PIP4K2A: variants seen among roughly 807,000 people sequenced by gnomAD.
PIP4K2A encodes phosphatidylinositol 5-phosphate 4-kinase type-2 alpha.
PIP4K2A carries 14 observed loss-of-function variants against 42.9 expected under a neutral mutation model. That is an observed-to-expected ratio of 0.33 (90% CI 0.22 to 0.51). PIP4K2A has a LOEUF of 0.51. Ranked by LOEUF, PIP4K2A falls within the 20% of genes least tolerant of loss-of-function variation. PIP4K2A has a pLI of 0.97. For synonymous variants in PIP4K2A, 192 were observed against 192.2 expected, an observed-to-expected ratio of 1.00 and a Z score of 0.01; for missense variants, 434 against 519.8, an observed-to-expected ratio of 0.83 and a Z score of 1.61.
In PIP4K2A at chr10:22,535,345, G is replaced by A. The variant is rs1429335105; in HGVS notation, c.*1856C>T. On this transcript the variant is annotated 3_prime_UTR_variant, in exon 10 of 10. Transcript: ENST00000376573. ...GGATTACTTTAAATACATAAAAGAT[G>A]AATCTGTACACTACGTGACAGTGGT... The A allele has an allele frequency of 6.6e-6, 1 of 152,180 alleles. No homozygotes were observed. The allele number at this position is 152,180 out of a possible 1,614,324, so 9.4% of individuals were successfully genotyped here. A position where few individuals can be genotyped will look rare whatever the true frequency, so the allele number is the denominator to read the frequency against.
intron 4 of PIP4K2A, among the ~76,000 whole-genome samples, chr10:22,573,717 T>C (rs191997378): frequency 3.3e-5 from 5 of 152,364 alleles, no homozygotes; most frequent in African/African-American, 9.6e-5. Context: ...GGTCAAACCT[T>C]GGATATGATC....
At chr10:22,539,231 C>A (rs531343658) in intron 9 of PIP4K2A, among the ~76,000 whole-genome samples, 1 of 152,210 alleles carries the variant, frequency 6.6e-6, no homozygotes, top group African/African-American at 2.4e-5. Flanking sequence ...ATCTCTGCCA[C>A]TTGCTACTAT....
chr10:22,631,271 G>A (rs924023935), intron 1 of PIP4K2A, among the ~76,000 whole-genome samples: 10 of 152,026 alleles, frequency 6.6e-5, no homozygotes, highest in Non-Finnish European at 1.5e-4. Flanking sequence ...CCCTAACCTC[G>A]AGTGTGACTT....
At chr10:22,601,142 A>C (rs1181962687) in intron 3 of PIP4K2A, among the ~76,000 whole-genome samples, 1 of 127,550 alleles carries the variant, frequency 7.8e-6, no homozygotes, top group South Asian at 2.6e-4. Flanking sequence ...AAAAAAAAAA[A>C]AAAAAAAAAA....
intron 4 of PIP4K2A, among the ~76,000 whole-genome samples, chr10:22,583,975 G>T (rs1291425186): frequency 6.6e-6 from 1 of 152,262 alleles, no homozygotes; most frequent in African/African-American, 2.4e-5. Context: ...GACTGGGCCA[G>T]CATGGCAGTC....
In PIP4K2A at chr10:22,609,658, G is replaced by C; in HGVS notation, c.204C>G (p.Ala68=). ...PVMLMPDDFK[A]YSKIKVDNHL... is the part of the protein sequence containing the mutation. ...GATTGTCCACCTTTATTTTTGAATA[G>C]GCTTTGAAGTCATCTGGCATCAACA... The change falls in exon 2 of 10, where the codon GCC becomes GCG. Residue 68 remains alanine, a synonymous_variant. Coordinates refer to ENST00000376573, the MANE Select transcript of PIP4K2A (RefSeq NM_005028.5). The C allele has an allele frequency of 6.2e-7, 1 of 1,608,742 alleles. No homozygotes were observed. Among genetic ancestry groups the C allele is most frequent in the Non-Finnish European group, 8.5e-7 (1 of 1,175,668 alleles).
At chr10:22,538,009 C>T (rs1469907340) in intron 9 of PIP4K2A, among the ~76,000 whole-genome samples, 1 of 152,192 alleles carries the variant, frequency 6.6e-6, no homozygotes, top group Non-Finnish European at 1.5e-5. Flanking sequence ...GGGATTTTTC[C>T]ATGATGAGAT....
Position 22,567,862 on chromosome 10 carries a change from C to T in PIP4K2A, c.667G>A (p.Asp223Asn). The change falls in exon 6 of 10, where the codon GAC (aspartate) becomes AAC (asparagine). Residue 223 changes from aspartate to asparagine, a missense_variant. By Grantham distance (23) the Asp-to-Asn change is conservative (BLOSUM62 1). Around this residue, in one of 2 missense-constraint regions of PIP4K2A, gnomAD observed 395 missense variants for 444.5 expected, o/e 0.89. Coordinates refer to ENST00000376573, the MANE Select transcript of PIP4K2A (RefSeq NM_005028.5). Reference sequence around the variant, plus strand: ...AGCAAGGTACTTACCTTTTCTTTGTCACTAGCTTCTCTAGCCACTGTAGAG... The same window carrying T: ...AGCAAGGTACTTACCTTTTCTTTGTTACTAGCTTCTCTAGCCACTGTAGAG... ...KGSTVAREAS[D>N]KEKAKELPTL... 1 of 1,613,836 alleles carries T rather than the reference C, an allele frequency of 6.2e-7. No individual in the cohort carries two copies. Among genetic ancestry groups the T allele is most frequent in the Non-Finnish European group, 8.5e-7 (1 of 1,179,710 alleles).
intron 1 of PIP4K2A, among the ~76,000 whole-genome samples, chr10:22,632,459 A>G (rs988466070): frequency 1.3e-5 from 2 of 152,204 alleles, no homozygotes; most frequent in Non-Finnish European, 1.5e-5. Context: ...TTTCTCCCTA[A>G]TAATCTGCAC....
intron 1 of PIP4K2A, among the ~76,000 whole-genome samples, chr10:22,636,461 C>G (rs990799438): frequency 1.6e-4 from 24 of 152,148 alleles, no homozygotes; most frequent in Admixed American, 3.3e-4. Flanking sequence ...CAAGGTCTCA[C>G]TATGTTCTCT....
intron 6 of PIP4K2A, among the ~76,000 whole-genome samples, chr10:22,565,964 GTTGATCTCAAAACCCT>G (rs1327020840): frequency 1.3e-5 from 2 of 152,082 alleles, no homozygotes. Flanking sequence ...GGTCAGACCG[GTTGATCTCAAAACCCT>G]GTCTCCTGAT....
chr10:22,707,052 GT>G (rs1833835769), intron 1 of PIP4K2A, among the ~76,000 whole-genome samples: 1 of 152,128 alleles, frequency 6.6e-6, no homozygotes, highest in Non-Finnish European at 1.5e-5. Context: ...GGAGGCTGAG[GT>G]GAGAGGATTG....
intron 3 of PIP4K2A, among the ~76,000 whole-genome samples, chr10:22,604,352 AC>A (rs1260183851): frequency 6.6e-6 from 1 of 152,022 alleles, no homozygotes; most frequent in African/African-American, 2.4e-5. Flanking sequence ...ACCAATACCT[AC>A]TTTTTTCAGG....
chr10:22,613,836 T>C (rs1055165158), intron 1 of PIP4K2A, among the ~76,000 whole-genome samples: 1 of 152,004 alleles, frequency 6.6e-6, no homozygotes, highest in African/African-American at 2.4e-5. Context: ...ATGGAGGGTG[T>C]TTGCTGGCTG....
chr10:22,549,776 G>C (rs1029440970), intron 7 of PIP4K2A, among the ~76,000 whole-genome samples: 1 of 143,282 alleles, frequency 7.0e-6, no homozygotes. Context: ...GGGAGGCAGA[G>C]CTTGCAGTGA....
chr10:22,544,765 C>T (rs183347060), intron 7 of PIP4K2A, among the ~76,000 whole-genome samples: 3 of 152,312 alleles, frequency 2.0e-5, no homozygotes, highest in Non-Finnish European at 2.9e-5. Flanking sequence ...CTCACATGGC[C>T]CAGGAGGCCT....
chr10:22,639,359 T>TAAA (rs35329002), intron 1 of PIP4K2A, among the ~76,000 whole-genome samples: 5 of 135,730 alleles, frequency 3.7e-5, no homozygotes, highest in African/African-American at 1.1e-4. Context: ...CAAAAGAAGC[T>TAAA]AAAAAAAAAA....
chr10:22,705,040 G>A (rs75510400), intron 1 of PIP4K2A, among the ~76,000 whole-genome samples: 16 of 152,076 alleles, frequency 1.1e-4, no homozygotes, highest in Non-Finnish European at 1.5e-4. Flanking sequence ...GGAAGCTGAC[G>A]GCTTCTATTT....
intron 1 of PIP4K2A, among the ~76,000 whole-genome samples, chr10:22,684,470 C>T (rs1839722392): frequency 6.6e-6 from 1 of 152,176 alleles, no homozygotes; most frequent in South Asian, 2.1e-4. Context: ...TTGTAATGCG[C>T]TTGTTTCATT....
Sources: allele counts gnomAD v4.1 joint callset (sites outside exome capture counted in the v4.1 genomes callset), GRCh38; gene constraint gnomAD v4.1.1; regional missense constraint gnomAD v4.1.1; transcripts MANE v1.5; gene names NCBI Gene and HGNC (gene_info 2026-07-23, HGNC 2026-07-21).